The following PNPLA7 variants were observed in gnomAD, a reference collection of about 807,000 sequenced individuals.
PNPLA7 encodes patatin-like phospholipase domain-containing protein 7.
In PNPLA7, 153 loss-of-function variants were observed where a neutral mutation model predicts 161.7. The ratio of observed to expected loss-of-function variants is 0.95; its 90% confidence interval spans 0.83 to 1.08. The LOEUF (loss-of-function observed/expected upper bound fraction) is 1.08, where lower values mean the gene tolerates loss of function less well. Ranked by LOEUF, PNPLA7 falls within the 50% of genes least tolerant of loss-of-function variation. The pLI is 0.00. For missense variants in PNPLA7, 1,739 were observed against 1,856.6 expected (o/e 0.94, Z 1.16); for synonymous variants, 809 against 782.1 (o/e 1.03, Z -0.57).
chr9:137,513,734 C>T (rs749290159), intron 12 of PNPLA7, among the ~76,000 whole-genome samples: 4 of 151,752 alleles, frequency 2.6e-5, no homozygotes, highest in Non-Finnish European at 2.9e-5. Flanking sequence ...AAAGAATCTC[C>T]AAAAAAAACT....
chr9:137,515,308 A>T, intron 12 of PNPLA7, 71 bp downstream of exon 12: 1 of 1,546,422 alleles, frequency 6.5e-7, no homozygotes, highest in Non-Finnish European at 8.7e-7. Context: ...GCATCAGTGC[A>T]GCTCAGCCTG....
At chr9:137,479,419 T>C in intron 23 of PNPLA7, 181 bp from the exon 24 acceptor site, 4 of 1,303,088 alleles carry the variant, frequency 3.1e-6, no homozygotes, top group Non-Finnish European at 3.9e-6. Flanking sequence ...ACGGCAGGGG[T>C]CCATCCGTCC....
intron 32 of PNPLA7, 91 bp downstream of exon 32, chr9:137,461,840 T>C: frequency 7.3e-7 from 1 of 1,374,116 alleles, no homozygotes; most frequent in Non-Finnish European, 9.7e-7. Context: ...CCTGAGGAGC[T>C]GGGCGTGGCC....
chr9:137,502,700 ACGCGGGG>A (rs1833522908), intron 14 of PNPLA7, among the ~76,000 whole-genome samples: 2 of 53,184 alleles, frequency 3.8e-5, no homozygotes, highest in African/African-American at 1.5e-4. Context: ...GACGGGGGGG[ACGCGGGG>A]GACGCGGGGG....
intron 25 of PNPLA7, among the ~76,000 whole-genome samples, chr9:137,473,409 G>C (rs766240022): frequency 1.5e-4 from 23 of 152,048 alleles, no homozygotes; most frequent in Admixed American, 6.6e-5. Context: ...TGTGACCTTG[G>C]GATAGGCTGA....
Position 137,506,150 on chromosome 9 carries a change from G to A in PNPLA7, c.1226-67C>T. On this transcript the variant is annotated intron_variant, in intron 12 of 34. Transcript: ENST00000406427. Reference sequence around the variant, plus strand: ...ACTGACACAAACGTCCGCGGTGTGGGCTGAGCACACCCTGCAGTCTAACCA... The same window carrying A: ...ACTGACACAAACGTCCGCGGTGTGGACTGAGCACACCCTGCAGTCTAACCA... 6 of 1,340,154 alleles carry A rather than the reference G, an allele frequency of 4.5e-6. No homozygotes were observed. In the South Asian group the frequency reaches 6.3e-5, roughly 14 times the overall value. 83.0% of individuals were successfully genotyped at this position (1,340,154 alleles called of 1,614,324 possible).
intron 24 of PNPLA7, 188 bp from the exon 25 acceptor site, chr9:137,478,340 G>C (rs1172614366): frequency 2.4e-6 from 1 of 411,926 alleles, no homozygotes; most frequent in Non-Finnish European, 4.1e-6. Flanking sequence ...GGGCCCCAGA[G>C]ACAGCTCAGC....
chr9:137,492,378 C>T (rs1334765184), intron 20 of PNPLA7: 1 of 970,054 alleles, frequency 1.0e-6, no homozygotes, highest in South Asian at 4.8e-5. Flanking sequence ...TCACATATAG[C>T]AGAGCTTTCC....
chr9:137,505,912 C>G, intron 13 of PNPLA7, 71 bp downstream of exon 13: 3 of 1,538,592 alleles, frequency 1.9e-6, no homozygotes, highest in Non-Finnish European at 2.7e-6. Flanking sequence ...CGGCGGCGCC[C>G]CCAATGCACC....
rs925197073 is a variant in PNPLA7, at chr9:137,523,469, C to T, written c.748-612G>A. ...GCCCAGGAAAAGCCCCAGTGAGTGA[C>T]GTGGTTTCCATCTTCTAGAAATTGG... is the stretch of plus-strand genomic sequence containing the variant. On this transcript the variant is annotated intron_variant, in intron 8 of 34. Transcript: ENST00000406427. This position sits in a 1 kb window ranked among gnomAD's most constrained non-coding sequence, Gnocchi z 4.4. Among the ~76,000 whole-genome samples the T allele has an allele frequency of 6.6e-6, 1 of 152,168 alleles. No individual in the cohort carries two copies.
rs1316857636 is a variant in PNPLA7, at chr9:137,492,271, C to A, written c.2197+742G>T. 3.0e-6 allele frequency: 3 copies of A among 985,170 alleles called. No individual in the cohort carries two copies. The African/African-American group carries it at 5.2e-5, about 17-fold the overall frequency. The allele number at this position is 985,170 out of a possible 1,614,324, so 61.0% of individuals were successfully genotyped here. On this transcript the variant is annotated intron_variant, in intron 20 of 34. Transcript: ENST00000406427. ...TGCTGAGCACAGGAGAGAGAGCACT[C>A]TCCGCTCCACCAATACCGTTTCCGG...
At chr9:137,492,697 G>A (rs1433489184) in intron 20 of PNPLA7, among the ~76,000 whole-genome samples, 1 of 150,150 alleles carries the variant, frequency 6.7e-6, no homozygotes, top group African/African-American at 2.5e-5. Flanking sequence ...GATGGGGTGG[G>A]GCCATGGGCT....
chr9:137,511,756 C>T (rs1052000769), intron 12 of PNPLA7, among the ~76,000 whole-genome samples: 13 of 152,240 alleles, frequency 8.5e-5, no homozygotes, highest in Non-Finnish European at 8.8e-5. Context: ...TCCGCCTGTA[C>T]ACCTGCTGCT....
rs532187567 is a variant in PNPLA7 at position 137,463,407 on chromosome 9, C to T, written c.3343+8G>A. ...CTCCTGCCGGGCGTGGTCCCCCCAC[C>T]GCAGTACCTGGGAGGTTGTTGATGT... On this transcript the variant is annotated splice_region_variant and intron_variant, in intron 29 of 34. Coordinates refer to ENST00000406427, the MANE Select transcript of PNPLA7 (RefSeq NM_001098537.3). The T allele has an allele frequency of 6.3e-6, 10 of 1,597,660 alleles. No individual in the cohort carries two copies. Among genetic ancestry groups the T allele is most frequent in the South Asian group, 1.1e-5 (1 of 88,588 alleles).
chr9:137,524,699 T>C lies in PNPLA7; in HGVS notation c.748-1842A>G, dbSNP rs1032514384. On this transcript the variant is annotated intron_variant, in intron 8 of 34. Transcript: ENST00000406427. This position sits in a 1 kb window ranked among gnomAD's most constrained non-coding sequence, Gnocchi z 4.4. ...CTCACCAGCGGTGAGTGAGTTTCCATGGATGCCCTGTGTTTTGCATTCTCA... is the reference window on the plus strand; with the variant it reads ...CTCACCAGCGGTGAGTGAGTTTCCACGGATGCCCTGTGTTTTGCATTCTCA... Among the ~76,000 whole-genome samples, 18 of 152,306 alleles carry C rather than the reference T, an allele frequency of 1.2e-4. No homozygotes were observed. The highest frequency in any genetic ancestry group is 4.3e-4 in the African/African-American group (18 of 41,570).
At position 137,464,125 on chromosome 9, in the gene PNPLA7, C is replaced by T. The variant is rs767770426; in HGVS notation, c.3226+1G>A. 5.6e-6 allele frequency: 9 copies of T among 1,613,362 alleles called. No individual in the cohort carries two copies. Among genetic ancestry groups the T allele is most frequent in the Non-Finnish European group, 7.6e-6 (9 of 1,179,862 alleles). ...CCGCCCTGCGCAGCAGGAGTGCTCA[C>T]CGTCGGTGTGGACCCGCATGGCCGA... On this transcript the variant is annotated splice_donor_variant, in intron 28 of 34. Coordinates refer to ENST00000406427, the MANE Select transcript of PNPLA7 (RefSeq NM_001098537.3). LOFTEE classifies it high-confidence loss of function.
chr9:137,499,773 G>C lies in PNPLA7; in HGVS notation c.1757+918C>G, dbSNP rs531104092. ...CGGTGCCATTTGCTGGATTACAGGC[G>C]TGAGCCGCTGCACCCAGCCGACCTG... is the stretch of plus-strand genomic sequence containing the variant. On this transcript the variant is annotated intron_variant, in intron 16 of 34. Transcript: ENST00000406427. The surrounding 1 kb of genome is among the most constrained non-coding windows in gnomAD (Gnocchi z 5.5). 6.6e-6 allele frequency among the ~76,000 whole-genome samples: 1 copy of C among 152,238 alleles called. No homozygotes were observed. Among genetic ancestry groups the C allele is most frequent in the African/African-American group, 2.4e-5 (1 of 41,464 alleles).
chr9:137,500,493 C>A lies in PNPLA7; in HGVS notation c.1757+198G>T, dbSNP rs554637366. ...GACGGCCGTGCGAAGCTGATCGCTG[C>A]GGGCAGGTGGGGTCGGCTGACTGAG... On this transcript the variant is annotated intron_variant, in intron 16 of 34. Transcript: ENST00000406427. The surrounding 1 kb of genome is among the most constrained non-coding windows in gnomAD (Gnocchi z 5.5). Among the ~76,000 whole-genome samples, 1 of 152,102 alleles carries A rather than the reference C, an allele frequency of 6.6e-6. No homozygotes were observed. Among genetic ancestry groups the A allele is most frequent in the African/African-American group, 2.4e-5 (1 of 41,414 alleles).
chr9:137,532,820 T>C (rs1835648099), intron 8 of PNPLA7, among the ~76,000 whole-genome samples: 1 of 152,128 alleles, frequency 6.6e-6, no homozygotes, highest in Non-Finnish European at 1.5e-5. Flanking sequence ...AGGAACTCTC[T>C]GGAGAAGGTG....
Sources: allele counts gnomAD v4.1 joint callset (sites outside exome capture counted in the v4.1 genomes callset), GRCh38; gene constraint gnomAD v4.1.1; non-coding constraint Gnocchi (gnomAD v3.1); transcripts MANE v1.5; gene names NCBI Gene and HGNC (gene_info 2026-07-23, HGNC 2026-07-21).